The following ERI3 variants were observed in gnomAD, a reference collection of about 807,000 sequenced individuals.
ERI3 encodes ERI1 exoribonuclease 3.
A neutral mutation model predicts 44.4 loss-of-function variants in ERI3; 18 were observed. That is an observed-to-expected ratio of 0.41 (90% CI 0.28 to 0.60). The LOEUF (loss-of-function observed/expected upper bound fraction) is 0.60. Among genes scored for constraint, ERI3 ranks in the 20% least tolerant of loss-of-function variants. The pLI is 0.36. For missense variants in ERI3, 294 were observed against 435.5 expected, an observed-to-expected ratio of 0.68 and a Z score of 2.89; for synonymous variants, 183 against 164.8, an observed-to-expected ratio of 1.11 and a Z score of -0.84.
intron 7 of ERI3, among the ~76,000 whole-genome samples, chr1:44,282,084 CA>C (rs1645302584): frequency 1.3e-5 from 2 of 152,216 alleles, no homozygotes; most frequent in South Asian, 4.1e-4. Flanking sequence ...CACTCTGCTA[CA>C]GGGGAAGTAG....
At chr1:44,258,519 ACTACCATGTGCCAAGCCCTGTGCTGGGTG>A (rs1217405241) in intron 7 of ERI3, among the ~76,000 whole-genome samples, 1 of 152,188 alleles carries the variant, frequency 6.6e-6, no homozygotes, top group Non-Finnish European at 1.5e-5. Context: ...TTATTGAGGA[ACTACCATGTGCCAAGCCCTGTGCTGGGTG>A]CTAGAGATAC....
chr1:44,320,339 G>A (rs1267152135), intron 3 of ERI3, among the ~76,000 whole-genome samples: 3 of 152,158 alleles, frequency 2.0e-5, no homozygotes, highest in Admixed American at 6.5e-5. Context: ...CCTCTACAAC[G>A]CCAGCCCAAT....
chr1:44,353,827 C>G lies in ERI3; in HGVS notation c.136-902G>C, dbSNP rs1646943769. 10 of 985,238 alleles carry G rather than the reference C, an allele frequency of 1.0e-5. No homozygotes were observed. The South Asian group carries it at 3.8e-4, about 37-fold the overall frequency. The allele number at this position is 985,238 out of a possible 1,614,324, so 61.0% of individuals were successfully genotyped here. A position where few individuals can be genotyped will look rare whatever the true frequency, so the allele number is the denominator to read the frequency against. On this transcript the variant is annotated intron_variant, in intron 1 of 8. Coordinates refer to ENST00000372257, the MANE Select transcript of ERI3 (RefSeq NM_024066.3). ...CAAAGTGCTCTGAGCTCCAGTGAAG[C>G]ACCACAGAATCTATAAAGGAAACCT...
intron 2 of ERI3, 150 bp downstream of exon 2, chr1:44,352,700 G>A: frequency 1.3e-6 from 1 of 794,724 alleles, no homozygotes; most frequent in Non-Finnish European, 2.0e-6. Context: ...TACTTTATCA[G>A]AAGAAGCTAC....
chr1:44,283,638 G>A (rs1437854131), intron 7 of ERI3, among the ~76,000 whole-genome samples: 1 of 152,190 alleles, frequency 6.6e-6, no homozygotes, highest in Admixed American at 6.5e-5. Context: ...AGGAGAGGGG[G>A]TATGAGTCAA....
At chr1:44,353,777 T>C (rs1646942700) in intron 1 of ERI3, 3 of 985,322 alleles carry the variant, frequency 3.0e-6, no homozygotes, top group Admixed American at 6.1e-5. Flanking sequence ...GTTAATGAGC[T>C]TTTAATTTGG....
chr1:44,302,059 C>T (rs1412364016), intron 6 of ERI3, among the ~76,000 whole-genome samples: 1 of 152,220 alleles, frequency 6.6e-6, no homozygotes, highest in Non-Finnish European at 1.5e-5. Context: ...GGTGGGCTTT[C>T]ACCTGTCCCT....
At position 44,221,302 on chromosome 1, in the gene ERI3, C is replaced by T; in HGVS notation, c.*256G>A. ...CCTGGGTCCCCCTAGCCCAGGCCCG[C>T]AATGGGAGGGGCTGATACTGGGCTG... On this transcript the variant is annotated 3_prime_UTR_variant, in exon 9 of 9. Coordinates refer to ENST00000372257, the MANE Select transcript of ERI3 (RefSeq NM_024066.3). The surrounding 1 kb of genome is among the most constrained non-coding windows in gnomAD (Gnocchi z 5.9). The T allele has an allele frequency of 2.0e-6, 1 of 509,842 alleles. No homozygotes were observed. Among genetic ancestry groups the T allele is most frequent in the Non-Finnish European group, 3.5e-6 (1 of 283,274 alleles). 31.6% of individuals were successfully genotyped at this position (509,842 alleles called of 1,614,324 possible). A position where few individuals can be genotyped will look rare whatever the true frequency, so the allele number is the denominator to read the frequency against.
At chr1:44,229,722 C>T (rs1436975058) in intron 8 of ERI3, among the ~76,000 whole-genome samples, 2 of 152,006 alleles carry the variant, frequency 1.3e-5, no homozygotes, top group Non-Finnish European at 2.9e-5. Context: ...ACACCCCAAA[C>T]CCTTCCAAGG....
chr1:44,317,144 G>GTGCA (rs1553196478), intron 4 of ERI3, among the ~76,000 whole-genome samples: 2 of 151,016 alleles, frequency 1.3e-5, no homozygotes, highest in Admixed American at 6.6e-5. Flanking sequence ...GCATGTGCGT[G>GTGCA]CACACACACA....
intron 3 of ERI3, among the ~76,000 whole-genome samples, chr1:44,330,680 CTT>C (rs1368572348): frequency 5.3e-5 from 8 of 152,178 alleles, no homozygotes; most frequent in Admixed American, 3.3e-4. Flanking sequence ...TGGGTACACT[CTT>C]GTTTCAGGCT....
intron 1 of ERI3, chr1:44,353,301 G>A (rs572315879): frequency 4.1e-6 from 4 of 985,366 alleles, no homozygotes; most frequent in Admixed American, 6.1e-5. Flanking sequence ...CTGGGGTAGG[G>A]GTTGGTTGCC....
At chr1:44,330,447 G>A (rs1266560036) in intron 3 of ERI3, among the ~76,000 whole-genome samples, 1 of 152,166 alleles carries the variant, frequency 6.6e-6, no homozygotes, top group African/African-American at 2.4e-5. Flanking sequence ...CCTATCCCAA[G>A]GCACCTCTAC....
chr1:44,309,765 G>A lies in ERI3; in HGVS notation c.667-1364C>T, dbSNP rs530034895. Among the ~76,000 whole-genome samples, 75 of 150,840 alleles carry A rather than the reference G, an allele frequency of 5.0e-4. 2 individuals carry two copies. In the South Asian group the frequency reaches 0.015, roughly 30 times the overall value. On this transcript the variant is annotated intron_variant, in intron 5 of 8. Coordinates refer to ENST00000372257, the MANE Select transcript of ERI3 (RefSeq NM_024066.3). ...TTTTTAGTAGAGACGGGGTTTCACC[G>A]TGTTAGCCAGGATAGTCTCGATCTC...
intron 6 of ERI3, among the ~76,000 whole-genome samples, chr1:44,296,795 T>C (rs1645620697): frequency 6.6e-6 from 1 of 152,132 alleles, no homozygotes; most frequent in Non-Finnish European, 1.5e-5. Context: ...TACATGCCAC[T>C]TGTCCAGCTT....
chr1:44,253,741 A>G (rs749079270), intron 7 of ERI3, among the ~76,000 whole-genome samples: 4 of 152,186 alleles, frequency 2.6e-5, no homozygotes, highest in Non-Finnish European at 5.9e-5. Flanking sequence ...TAGCCATGCC[A>G]TGAGGAAGCC....
At chr1:44,255,880 C>G (rs560667990) in intron 7 of ERI3, among the ~76,000 whole-genome samples, 139 of 152,314 alleles carry the variant, frequency 9.1e-4, no homozygotes, top group Non-Finnish European at 1.5e-3. Flanking sequence ...TTCAGCCTGC[C>G]TAGAACGCCC....
intron 7 of ERI3, among the ~76,000 whole-genome samples, chr1:44,253,224 AC>A (rs934470293): frequency 1.3e-5 from 2 of 152,164 alleles, no homozygotes; most frequent in African/African-American, 2.4e-5. Flanking sequence ...CTTATGGCAC[AC>A]CCAGCAGCCC....
intron 8 of ERI3, 133 bp downstream of exon 8, chr1:44,247,806 T>A: frequency 1.8e-6 from 1 of 555,368 alleles, no homozygotes; most frequent in Non-Finnish European, 3.0e-6. Flanking sequence ...CCTTCCACCA[T>A]CCCCCCACCT....
Sources: allele counts gnomAD v4.1 joint callset (sites outside exome capture counted in the v4.1 genomes callset), GRCh38; gene constraint gnomAD v4.1.1; non-coding constraint Gnocchi (gnomAD v3.1); transcripts MANE v1.5; gene names NCBI Gene and HGNC (gene_info 2026-07-23, HGNC 2026-07-21).